Variants in FBLN1 observed in about 807,000 individuals in gnomAD.
The protein encoded by FBLN1 is fibulin-1.
FBLN1 carries 34 observed loss-of-function variants against 89.7 expected under a neutral mutation model. The observed-to-expected ratio is 0.38, with a 90% CI of 0.29 to 0.50. The LOEUF is 0.50. Ranked by LOEUF, FBLN1 falls within the 20% of genes least tolerant of loss-of-function variation. FBLN1 has a pLI of 0.92. For missense variants in FBLN1, 777 were observed against 988.1 expected (o/e 0.79, Z 2.86); for synonymous variants, 393 against 391.3 (o/e 1.00, Z -0.05).
chr22:45,595,292 C>T (rs1048525507), intron 16 of FBLN1, among the ~76,000 whole-genome samples: 4 of 152,100 alleles, frequency 2.6e-5, no homozygotes, highest in Non-Finnish European at 4.4e-5. Context: ...GATAGAGAAG[C>T]GGATTTGGAA....
At chr22:45,570,979 A>G (rs776407727) in intron 14 of FBLN1, among the ~76,000 whole-genome samples, 1 of 151,914 alleles carries the variant, frequency 6.6e-6, no homozygotes, top group Non-Finnish European at 1.5e-5. Context: ...ATAAAAAATT[A>G]GCATGGTGGT....
intron 14 of FBLN1, chr22:45,565,379 C>T (rs1432274580): frequency 3.5e-5 from 34 of 964,234 alleles, no homozygotes; most frequent in East Asian, 6.1e-5. Flanking sequence ...CCTGGCCCCA[C>T]GGGGAGGCTT....
chr22:45,575,458 A>G lies in FBLN1; in HGVS notation c.1840+805A>G, dbSNP rs1203367493. Among the ~76,000 whole-genome samples the G allele has an allele frequency of 1.3e-5, 2 of 152,130 alleles. No homozygotes were observed. The highest frequency in any genetic ancestry group is 2.9e-5 in the Non-Finnish European group (2 of 68,014). ...GAGGCTTGGCAAGAGGTGGGCTGGAAGGATAAACAGGAGGCTAAAACTGGA... is the reference window on the plus strand; with the variant it reads ...GAGGCTTGGCAAGAGGTGGGCTGGAGGGATAAACAGGAGGCTAAAACTGGA... On this transcript the variant is annotated intron_variant, in intron 15 of 16. Coordinates refer to ENST00000327858, the MANE Select transcript of FBLN1 (RefSeq NM_006486.3). This position sits in a 1 kb window ranked among gnomAD's most constrained non-coding sequence, Gnocchi z 6.3.
In FBLN1 at chr22:45,531,255, TC is replaced by T. The variant is rs764902936; in HGVS notation, c.485-5del. 39 of 1,613,324 alleles carry T rather than the reference TC, an allele frequency of 2.4e-5. No individual in the cohort carries two copies. The Admixed American group carries it at 6.5e-4, about 27-fold the overall frequency. ...GGATAAATGTCTGACTTGGTCTTTT[TC>T]CCCCTTAGATAAGATCATTGAGGTT... On this transcript the variant is annotated splice_polypyrimidine_tract_variant and intron_variant, in intron 4 of 16. Coordinates refer to ENST00000327858, the MANE Select transcript of FBLN1 (RefSeq NM_006486.3). The surrounding 1 kb of genome is among the most constrained non-coding windows in gnomAD (Gnocchi z 4.9).
intron 1 of FBLN1, among the ~76,000 whole-genome samples, chr22:45,516,061 G>A (rs1041883793): frequency 3.3e-5 from 5 of 152,116 alleles, no homozygotes; most frequent in African/African-American, 9.7e-5. Flanking sequence ...AGAGACATGC[G>A]CCAGGCACGG....
intron 14 of FBLN1, chr22:45,558,180 A>G: frequency 4.3e-6 from 3 of 700,898 alleles, no homozygotes; most frequent in South Asian, 3.0e-5. Flanking sequence ...ATGTAACTTA[A>G]CTTGTGCCTT....
At chr22:45,559,097 C>T (rs2147007761) in intron 14 of FBLN1, among the ~76,000 whole-genome samples, 1 of 152,332 alleles carries the variant, frequency 6.6e-6, no homozygotes. Flanking sequence ...ATATTGCTGG[C>T]CTTGCCAGCT....
chr22:45,524,794 A>T (rs558986001), intron 2 of FBLN1, among the ~76,000 whole-genome samples: 42 of 152,074 alleles, frequency 2.8e-4, no homozygotes, highest in African/African-American at 7.0e-4. Context: ...TTCTTTTTTT[A>T]AAAAAAGAGG....
intron 1 of FBLN1, among the ~76,000 whole-genome samples, chr22:45,504,212 G>T (rs1451866176): frequency 6.6e-6 from 1 of 151,936 alleles, no homozygotes; most frequent in Non-Finnish European, 1.5e-5. Context: ...GGGGGCTGAA[G>T]GGGGCTGGAG....
chr22:45,509,216 G>A (rs1252060859), intron 1 of FBLN1, among the ~76,000 whole-genome samples: 1 of 152,200 alleles, frequency 6.6e-6, no homozygotes, highest in African/African-American at 2.4e-5. Context: ...GGAGCAGGGT[G>A]GGATGTTGCA....
chr22:45,525,651 C>T lies in FBLN1; in HGVS notation c.294C>T (p.Asn98=), dbSNP rs1311748026. The change falls in exon 3 of 17, where the codon AAC becomes AAT. Residue 98 remains asparagine (N), a synonymous_variant. Coordinates refer to ENST00000327858, the MANE Select transcript of FBLN1 (RefSeq NM_006486.3). ...GCTGTGCCACGCCCCACGGTGACAA[C>T]GCCAGCCTGGAGGCCACATTTGTGA... ...QDRCATPHGD[N]ASLEATFVKR... The T allele has an allele frequency of 1.6e-5, 25 of 1,551,298 alleles. No homozygotes were observed. Among genetic ancestry groups the T allele is most frequent in the Admixed American group, 3.9e-5 (2 of 51,016 alleles).
Position 45,558,077 on chromosome 22 carries a change from G to T in FBLN1, c.1697+7462G>T, listed in dbSNP as rs370901512. 8 of 716,886 alleles carry T rather than the reference G, an allele frequency of 1.1e-5. No homozygotes were observed. In the East Asian group the frequency reaches 1.9e-4, roughly 17 times the overall value. The allele number at this position is 716,886 out of a possible 1,614,324, so 44.4% of individuals were successfully genotyped here. ...TCTTCTCTTCCTCTGTCAGATGATC[G>T]TAGGGAACTCTGCATGAGGCCATCG... On this transcript the variant is annotated intron_variant, in intron 14 of 16. Coordinates refer to ENST00000327858, the MANE Select transcript of FBLN1 (RefSeq NM_006486.3).
intron 1 of FBLN1, among the ~76,000 whole-genome samples, chr22:45,506,930 CT>C (rs2088029609): frequency 6.6e-6 from 1 of 152,222 alleles, no homozygotes; most frequent in African/African-American, 2.4e-5. Context: ...CAAGATTTTC[CT>C]TTTGCAGAAT....
chr22:45,533,416 TC>T (rs2088436528), intron 6 of FBLN1, among the ~76,000 whole-genome samples: 1 of 152,156 alleles, frequency 6.6e-6, no homozygotes, highest in African/African-American at 2.4e-5. Flanking sequence ...AGGTTCCGGA[TC>T]CAGGATCTGC....
Position 45,581,033 on chromosome 22 carries a change from A to G in FBLN1, c.1972+3925A>G, listed in dbSNP as rs2147032882. On this transcript the variant is annotated intron_variant, in intron 16 of 16. Coordinates refer to ENST00000327858, the MANE Select transcript of FBLN1 (RefSeq NM_006486.3). The surrounding 1 kb of genome is among the most constrained non-coding windows in gnomAD (Gnocchi z 7.6). ...CCCGAGGGATTCTCAGGCCACTACA[A>G]AGCTTTCCTTATCTGGCTCTGGATT... 6.6e-6 allele frequency among the ~76,000 whole-genome samples: 1 copy of G among 152,326 alleles called. No homozygotes were observed. The highest frequency in any genetic ancestry group is 2.1e-4 in the South Asian group (1 of 4,818).
In FBLN1 at chr22:45,545,163, G is replaced by T. The variant is rs1313563294; in HGVS notation, c.1321+1637G>T. On this transcript the variant is annotated intron_variant, in intron 11 of 16. Coordinates refer to ENST00000327858, the MANE Select transcript of FBLN1 (RefSeq NM_006486.3). This position sits in a 1 kb window ranked among gnomAD's most constrained non-coding sequence, Gnocchi z 5.9. ...GGACGGACGGTGTGAGGGGTCCTGG[G>T]CTTAGTTCACAAGAACGTGTATGGA... 1.3e-5 allele frequency among the ~76,000 whole-genome samples: 2 copies of T among 152,172 alleles called. No homozygotes were observed. The highest frequency in any genetic ancestry group is 2.9e-5 in the Non-Finnish European group (2 of 68,032).
chr22:45,530,493 C>A lies in FBLN1; in HGVS notation c.485-772C>A, dbSNP rs2088390762. 6.6e-6 allele frequency among the ~76,000 whole-genome samples: 1 copy of A among 152,182 alleles called. No homozygotes were observed. Among genetic ancestry groups the A allele is most frequent in the African/African-American group, 2.4e-5 (1 of 41,446 alleles). ...CACTGTATGTTTCCTGGGGGCCATG[C>A]AGAAGGTCCCCAGACCAGTGCTGGC... On this transcript the variant is annotated intron_variant, in intron 4 of 16. Transcript: ENST00000327858. This position sits in a 1 kb window ranked among gnomAD's most constrained non-coding sequence, Gnocchi z 5.4.
chr22:45,576,596 C>A lies in FBLN1; in HGVS notation c.1841-381C>A, dbSNP rs955017393. ...TGTGGCACTATAGATGGGAGAGGAGCCCACCCCTCTGGCCTTTCTGCTGTC... is the reference window on the plus strand; with the variant it reads ...TGTGGCACTATAGATGGGAGAGGAGACCACCCCTCTGGCCTTTCTGCTGTC... On this transcript the variant is annotated intron_variant, in intron 15 of 16. Coordinates refer to ENST00000327858, the MANE Select transcript of FBLN1 (RefSeq NM_006486.3). The surrounding 1 kb of genome is among the most constrained non-coding windows in gnomAD (Gnocchi z 5.2). 6.6e-6 allele frequency among the ~76,000 whole-genome samples: 1 copy of A among 152,070 alleles called. No individual in the cohort carries two copies. The highest frequency in any genetic ancestry group is 1.5e-5 in the Non-Finnish European group (1 of 67,998).
In FBLN1 at chr22:45,563,348, C is replaced by G; in HGVS notation, c.1698-11163C>G. ...GGGGCGTTAATAAAGTCTTAGCAAG[C>G]GTCCCACACAGTGAGCCTCGCGTGC... On this transcript the variant is annotated intron_variant, in intron 14 of 16. Coordinates refer to ENST00000327858, the MANE Select transcript of FBLN1 (RefSeq NM_006486.3). This position sits in a 1 kb window ranked among gnomAD's most constrained non-coding sequence, Gnocchi z 5.7. 1.3e-6 allele frequency: 2 copies of G among 1,599,968 alleles called. No individual in the cohort carries two copies. The highest frequency in any genetic ancestry group is 1.7e-6 in the Non-Finnish European group (2 of 1,176,606).
Sources: allele counts gnomAD v4.1 joint callset (sites outside exome capture counted in the v4.1 genomes callset), GRCh38; gene constraint gnomAD v4.1.1; non-coding constraint Gnocchi (gnomAD v3.1); transcripts MANE v1.5; gene names NCBI Gene and HGNC (gene_info 2026-07-23, HGNC 2026-07-21).